CMIP: variants seen among roughly 807,000 people sequenced by gnomAD.
The protein encoded by CMIP is C-Maf-inducing protein.
CMIP carries 13 observed loss-of-function variants against 97.3 expected under a neutral mutation model. The ratio of observed to expected loss-of-function variants is 0.13; its 90% CI spans 0.09 to 0.21. The LOEUF (loss-of-function observed/expected upper bound fraction) is 0.21. CMIP is among the 10% of genes least tolerant of loss of function. CMIP has a pLI of 1.00. For synonymous variants in CMIP, 538 were observed against 436.3 expected, an observed-to-expected ratio of 1.23 and a Z score of -2.91; for missense variants, 847 against 1,024.9, an observed-to-expected ratio of 0.83 and a Z score of 2.37.
intron 3 of CMIP, among the ~76,000 whole-genome samples, chr16:81,650,179 G>A (rs1364188165): frequency 6.6e-6 from 1 of 152,172 alleles, no homozygotes; most frequent in Admixed American, 6.5e-5. Context: ...AACTTGTCAC[G>A]CGTTTCTTCC....
intron 10 of CMIP, among the ~76,000 whole-genome samples, chr16:81,684,809 C>T (rs1194812908): frequency 1.3e-5 from 2 of 152,208 alleles, no homozygotes; most frequent in Non-Finnish European, 2.9e-5. Context: ...CTGGGAAGGG[C>T]CCAGCCTTCT....
rs558422056 is a variant in CMIP, at chr16:81,678,499, C to T, written c.1259C>T (p.Ala420Val). ...GCCAAGCCGGCGCTGACGGCCAGCG[C>T]AGGCAACGACAGCGAGCCCAACCTC... ...STAKPALTAS[A>V]GNDSEPNLID... is the part of the protein sequence containing the mutation. Residue 420 changes from alanine to valine, a missense_variant, in exon 10 of 21, where the codon GCA (alanine) becomes GTA (valine). Around this residue, in one of 4 missense-constraint regions of CMIP, gnomAD observed 202 missense variants for 168.7 expected, o/e 1.20. Coordinates refer to ENST00000537098, the MANE Select transcript of CMIP (RefSeq NM_198390.3). The T allele has an allele frequency of 5.6e-6, 9 of 1,599,824 alleles. No homozygotes were observed. Among genetic ancestry groups the T allele is most frequent in the African/African-American group, 2.7e-5 (2 of 74,816 alleles).
Position 81,560,249 on chromosome 16 carries a change from C to T in CMIP, c.301-47318C>T, listed in dbSNP as rs556698025. Among the ~76,000 whole-genome samples, 741 of 148,822 alleles carry T rather than the reference C, an allele frequency of 5.0e-3. 7 individuals are homozygous for T. Among genetic ancestry groups the T allele is most frequent in the African/African-American group, 0.017 (703 of 40,328 alleles). On this transcript the variant is annotated intron_variant, in intron 1 of 20. Coordinates refer to ENST00000537098, the MANE Select transcript of CMIP (RefSeq NM_198390.3). ...TTTTTTTTTTTTTGAGACAGAGTCTCGCTCCGTCGCCCAGGCTGGAGTGCA... is the reference window on the plus strand; with the variant it reads ...TTTTTTTTTTTTTGAGACAGAGTCTTGCTCCGTCGCCCAGGCTGGAGTGCA...
chr16:81,694,289 G>A lies in CMIP; in HGVS notation c.1530+802G>A, dbSNP rs539662463. On this transcript the variant is annotated intron_variant, in intron 13 of 20. Coordinates refer to ENST00000537098, the MANE Select transcript of CMIP (RefSeq NM_198390.3). ...GTGCATGAGTTCTGGGTGTGGTAGC[G>A]CCCTAACTCCCAGTTGAGGACAGAC... 7.2e-5 allele frequency among the ~76,000 whole-genome samples: 11 copies of A among 152,286 alleles called. No homozygotes were observed. The South Asian group carries it at 1.2e-3, about 17-fold the overall frequency.
At chr16:81,605,120 C>G (rs2091720340) in intron 1 of CMIP, among the ~76,000 whole-genome samples, 2 of 152,116 alleles carry the variant, frequency 1.3e-5, no homozygotes, top group African/African-American at 4.8e-5. Context: ...CGGCAGTGCT[C>G]AGGACAAGAC....
At chr16:81,607,397 C>T (rs1444918571) in intron 1 of CMIP, among the ~76,000 whole-genome samples, 170 bp from the exon 2 acceptor site, 7 of 152,204 alleles carry the variant, frequency 4.6e-5, no homozygotes, top group Non-Finnish European at 8.8e-5. Context: ...CTGGATATGG[C>T]CAGCCAGAAA....
chr16:81,634,330 A>C (rs1019560005), intron 3 of CMIP, among the ~76,000 whole-genome samples: 2 of 152,202 alleles, frequency 1.3e-5, no homozygotes, highest in African/African-American at 4.8e-5. Flanking sequence ...TATGAACACG[A>C]GTCTGACTCT....
At chr16:81,699,607 G>T in intron 14 of CMIP, 78 bp from the exon 15 acceptor site, 2 of 900,548 alleles carry the variant, frequency 2.2e-6, no homozygotes, top group Non-Finnish European at 3.6e-6. Flanking sequence ...AACGGCTCTT[G>T]GGCTCACTTC....
chr16:81,533,133 GT>G (rs1276943295), intron 1 of CMIP, among the ~76,000 whole-genome samples: 1 of 152,060 alleles, frequency 6.6e-6, no homozygotes. Context: ...CCTGACTTAC[GT>G]TTTTTTCTCC....
chr16:81,608,037 C>T lies in CMIP; in HGVS notation c.426+345C>T, dbSNP rs182482636. 8.5e-5 allele frequency among the ~76,000 whole-genome samples: 13 copies of T among 152,228 alleles called. No homozygotes were observed. The East Asian group carries it at 2.3e-3, about 27-fold the overall frequency. On this transcript the variant is annotated intron_variant, in intron 2 of 20. Transcript: ENST00000537098. ...GGTGAGTTGTTAGGCCCAAGAAGGC[C>T]GTGAAAAGCAGATGAGCAATAGATA...
At chr16:81,695,218 G>C (rs908785875) in intron 13 of CMIP, among the ~76,000 whole-genome samples, 3 of 152,198 alleles carry the variant, frequency 2.0e-5, no homozygotes, top group Admixed American at 6.5e-5. Flanking sequence ...TCTTTTCTCT[G>C]CTGATTCTCT....
intron 1 of CMIP, among the ~76,000 whole-genome samples, chr16:81,486,676 C>T (rs2150761973): frequency 6.6e-6 from 1 of 152,332 alleles, no homozygotes; most frequent in South Asian, 2.1e-4. Context: ...GCCAGACTCC[C>T]CAGGAACTAA....
chr16:81,674,247 G>A (rs1288369538), intron 9 of CMIP, among the ~76,000 whole-genome samples: 1 of 152,148 alleles, frequency 6.6e-6, no homozygotes, highest in Non-Finnish European at 1.5e-5. Context: ...CTGACAGCAC[G>A]GTGAGGCAAA....
rs190809249 is a variant in CMIP at position 81,528,301 on chromosome 16, T to C, written c.301-79266T>C. On this transcript the variant is annotated intron_variant, in intron 1 of 20. Coordinates refer to ENST00000537098, the MANE Select transcript of CMIP (RefSeq NM_198390.3). ...GACTTTTTTTTTTCATTCTAAACAATGCCAAGGCTGGCCCTTCCTCCTATG... is the reference window on the plus strand; with the variant it reads ...GACTTTTTTTTTTCATTCTAAACAACGCCAAGGCTGGCCCTTCCTCCTATG... Among the ~76,000 whole-genome samples the C allele has an allele frequency of 4.2e-3, 642 of 152,216 alleles. 10 individuals carry two copies. Among genetic ancestry groups the C allele is most frequent in the African/African-American group, 0.015 (610 of 41,520 alleles).
In CMIP at chr16:81,474,589, A is replaced by G. The variant is rs542267261; in HGVS notation, c.300+29048A>G. On this transcript the variant is annotated intron_variant, in intron 1 of 20. Coordinates refer to ENST00000537098, the MANE Select transcript of CMIP (RefSeq NM_198390.3). ...TCAGGTCAGAGGAGCAGGGAGCCCC[A>G]GCCCCTGGTGTCTTCTTACTGTGTG... Among the ~76,000 whole-genome samples the G allele has an allele frequency of 3.3e-5, 5 of 152,310 alleles. No homozygotes were observed. The East Asian group carries it at 9.7e-4, about 29-fold the overall frequency.
intron 1 of CMIP, among the ~76,000 whole-genome samples, chr16:81,555,499 T>G (rs947245799): frequency 2.0e-5 from 3 of 152,158 alleles, no homozygotes; most frequent in Admixed American, 6.5e-5. Flanking sequence ...ACAGACTCAG[T>G]GTGCACAACA....
At chr16:81,497,407 T>C (rs1299625660) in intron 1 of CMIP, among the ~76,000 whole-genome samples, 1 of 152,196 alleles carries the variant, frequency 6.6e-6, no homozygotes, top group Non-Finnish European at 1.5e-5. Flanking sequence ...AAGAGGCCAC[T>C]TAGAGCTGGA....
chr16:81,600,232 C>T (rs1328608115), intron 1 of CMIP, among the ~76,000 whole-genome samples: 2 of 142,346 alleles, frequency 1.4e-5, no homozygotes, highest in African/African-American at 2.6e-5. Flanking sequence ...GCCAAGATCG[C>T]ACCACTGCAC....
At chr16:81,648,874 A>G (rs947917411) in intron 3 of CMIP, among the ~76,000 whole-genome samples, 2 of 148,144 alleles carry the variant, frequency 1.4e-5, no homozygotes, top group Non-Finnish European at 3.0e-5. Context: ...CTCACTCTTT[A>G]GGAACGTCAA....
Sources: allele counts gnomAD v4.1 joint callset (sites outside exome capture counted in the v4.1 genomes callset), GRCh38; gene constraint gnomAD v4.1.1; regional missense constraint gnomAD v4.1.1; transcripts MANE v1.5; gene names NCBI Gene and HGNC (gene_info 2026-07-23, HGNC 2026-07-21).